The following RECK variants were observed in gnomAD, a reference collection of about 807,000 sequenced individuals.
RECK encodes reversion-inducing cysteine-rich protein with Kazal motifs.
Under a neutral mutation model 115.1 loss-of-function variants are expected in RECK, and 69 were observed. That is an observed-to-expected ratio of 0.60 (90% confidence interval 0.49 to 0.73). The LOEUF is 0.73. Ranked by LOEUF, RECK falls within the 30% of genes least tolerant of loss-of-function variation. The probability of loss-of-function intolerance (pLI) is 0.00; values close to 1 mark genes in which losing one functional copy is unlikely to be tolerated. For synonymous variants in RECK, 414 were observed against 419.7 expected (o/e 0.99, Z 0.17); for missense variants, 1,047 against 1,203.7 (o/e 0.87, Z 1.93).
Position 36,047,150 on chromosome 9 carries a change from C to A in RECK, c.101-5115C>A, listed in dbSNP as rs1273927335. On this transcript the variant is annotated intron_variant, in intron 1 of 20. Coordinates refer to ENST00000377966, the MANE Select transcript of RECK (RefSeq NM_021111.3). ...CCTCACATGAACTTTGTGTTAGAGG[C>A]TAGTAGTAGAAAGTGCCAACTTCTA... 2.0e-5 allele frequency among the ~76,000 whole-genome samples: 3 copies of A among 152,180 alleles called. No homozygotes were observed. In the East Asian group the frequency reaches 5.8e-4, roughly 29 times the overall value.
At chr9:36,069,286 TC>T (rs1305567990) in intron 6 of RECK, among the ~76,000 whole-genome samples, 1 of 151,992 alleles carries the variant, frequency 6.6e-6, no homozygotes, top group Non-Finnish European at 1.5e-5. Context: ...ACACCTGTAA[TC>T]CCAGCACTTC....
intron 6 of RECK, among the ~76,000 whole-genome samples, chr9:36,074,160 A>G (rs771305788): frequency 1.1e-4 from 16 of 152,254 alleles, no homozygotes; most frequent in Non-Finnish European, 2.2e-4. Context: ...CTCTCCACAC[A>G]CATAAAATTG....
chr9:36,100,028 C>T (rs1219227914), intron 10 of RECK, among the ~76,000 whole-genome samples: 1 of 152,070 alleles, frequency 6.6e-6, no homozygotes, highest in Non-Finnish European at 1.5e-5. Flanking sequence ...AAAAGTTGGC[C>T]TCATAATATT....
chr9:36,080,536 A>C, intron 6 of RECK, 69 bp from the exon 7 acceptor site: 1 of 1,232,178 alleles, frequency 8.1e-7, no homozygotes. Context: ...TGTAACCATA[A>C]AGTGGAATTA....
chr9:36,111,987 G>A (rs911346959), intron 15 of RECK, among the ~76,000 whole-genome samples: 3 of 151,410 alleles, frequency 2.0e-5, no homozygotes, highest in East Asian at 1.9e-4. Flanking sequence ...GCTGGGCGTG[G>A]TGGCATGCGC....
intron 17 of RECK, among the ~76,000 whole-genome samples, chr9:36,118,099 G>A (rs1350137840): frequency 2.0e-5 from 3 of 152,224 alleles, no homozygotes; most frequent in African/African-American, 4.8e-5. Flanking sequence ...CCCACAACCA[G>A]CTAACACTTA....
intron 6 of RECK, chr9:36,066,686 T>C (rs1822014110): frequency 1.7e-6 from 1 of 603,752 alleles, no homozygotes; most frequent in Non-Finnish European, 2.4e-6. Flanking sequence ...TAACCAGTTT[T>C]AGTTTCTCTT....
chr9:36,116,845 A>G, intron 16 of RECK, 140 bp from the exon 17 acceptor site: 1 of 614,692 alleles, frequency 1.6e-6, no homozygotes, highest in Non-Finnish European at 2.8e-6. Context: ...CTCCCACTCT[A>G]CATAAGCTCT....
chr9:36,083,223 T>G (rs777473831), intron 7 of RECK, 142 bp from the exon 8 acceptor site: 3 of 782,502 alleles, frequency 3.8e-6, no homozygotes, highest in Admixed American at 5.6e-5. Flanking sequence ...CCTACAGAAG[T>G]GCCGATTTTA....
In RECK at chr9:36,091,149, G is replaced by T; in HGVS notation, c.906-15G>T. 1 of 1,613,070 alleles carries T rather than the reference G, an allele frequency of 6.2e-7. No individual in the cohort carries two copies. The highest frequency in any genetic ancestry group is 1.1e-5 in the South Asian group (1 of 90,912). The stretch of plus-strand genomic sequence containing the variant: ...TTGGCTCATGTCGGCTTCTGCATTT[G>T]TGCTCTTGTTTCAGGGAACTCTGCA... On this transcript the variant is annotated splice_polypyrimidine_tract_variant and intron_variant, in intron 9 of 20. Coordinates refer to ENST00000377966, the MANE Select transcript of RECK (RefSeq NM_021111.3).
At chr9:36,040,141 G>A (rs1564094499) in intron 1 of RECK, among the ~76,000 whole-genome samples, 1 of 152,200 alleles carries the variant, frequency 6.6e-6, no homozygotes, top group Non-Finnish European at 1.5e-5. Context: ...TAGGTGCAGA[G>A]CTGCTGCTCC....
At chr9:36,044,707 G>A (rs1821005640) in intron 1 of RECK, among the ~76,000 whole-genome samples, 1 of 152,176 alleles carries the variant, frequency 6.6e-6, no homozygotes, top group Non-Finnish European at 1.5e-5. Flanking sequence ...AGTTGTTGGA[G>A]AAGAAAGGCT....
At chr9:36,038,924 G>C (rs1029754193) in intron 1 of RECK, among the ~76,000 whole-genome samples, 6 of 152,068 alleles carry the variant, frequency 3.9e-5, no homozygotes, top group Non-Finnish European at 8.8e-5. Context: ...AGTGGTGATG[G>C]CTACACAACT....
intron 14 of RECK, 105 bp downstream of exon 14, chr9:36,108,269 A>C (rs1823899635): frequency 1.2e-6 from 1 of 803,400 alleles, no homozygotes; most frequent in Non-Finnish European, 1.9e-6. Context: ...TCTGCATATC[A>C]GATACTCCAG....
intron 2 of RECK, among the ~76,000 whole-genome samples, chr9:36,057,386 G>T (rs1298390015): frequency 6.6e-6 from 1 of 151,978 alleles, no homozygotes; most frequent in African/African-American, 2.4e-5. Flanking sequence ...GGTAGCCTGG[G>T]TTTCTCCACT....
chr9:36,058,901 G>T lies in RECK; in HGVS notation c.234G>T (p.Met78Ile). Residue 78 changes from methionine (M) to isoleucine (I), a missense_variant and splice_region_variant, in exon 3 of 21, where the codon ATG becomes ATT. Physicochemically the swap from Met to Ile is conservative, Grantham distance 10. Transcript: ENST00000377966. ...QRAPDYCPET[M>I]VEIWNCMNSS... ...CCCCAGATTATTGCCCAGAGACAAT[G>T]GTAAGTCTTATTGTAACTTAACTGT... 6.5e-7 allele frequency: 1 copy of T among 1,547,244 alleles called. No homozygotes were observed. Among genetic ancestry groups the T allele is most frequent in the Admixed American group, 1.8e-5 (1 of 56,018 alleles).
At chr9:36,101,078 T>C (rs1318654335) in intron 11 of RECK, among the ~76,000 whole-genome samples, 1 of 152,036 alleles carries the variant, frequency 6.6e-6, no homozygotes, top group Admixed American at 6.6e-5. Flanking sequence ...GCAATTCTCC[T>C]GCCTCAGCCT....
At chr9:36,122,108 C>T (rs1824482872) in intron 20 of RECK, among the ~76,000 whole-genome samples, 1 of 152,190 alleles carries the variant, frequency 6.6e-6, no homozygotes, top group African/African-American at 2.4e-5. Context: ...TGTGTGCCCA[C>T]TGTGGAGGAA....
At chr9:36,092,120 A>T (rs1564124337) in intron 10 of RECK, among the ~76,000 whole-genome samples, 1 of 152,196 alleles carries the variant, frequency 6.6e-6, no homozygotes, top group Non-Finnish European at 1.5e-5. Flanking sequence ...TAAGAGTGAG[A>T]AAATTGAGAT....
Sources: gnomAD v4.1 joint callset for allele counts (sites outside exome capture counted in the v4.1 genomes callset) on GRCh38, gnomAD v4.1.1 for gene constraint, MANE v1.5 for transcripts, NCBI Gene and HGNC (gene_info 2026-07-23, HGNC 2026-07-21) for gene names.